Variants in CSNK2A2IP observed in about 807,000 individuals in gnomAD.
CSNK2A2IP encodes casein kinase II subunit alpha'-interacting protein.
At chr3:88,351,626 T>G in the CSNK2A2IP span, among the ~76,000 whole-genome samples, 1 of 152,100 alleles carries the variant, frequency 6.6e-6, no homozygotes, top group East Asian at 1.9e-4. Context: ...AAAATTTCAC[T>G]TAACAATATG....
At chr3:88,385,510 CTT>C in the CSNK2A2IP span, among the ~76,000 whole-genome samples, 10 of 151,624 alleles carry the variant, frequency 6.6e-5, no homozygotes, top group South Asian at 2.1e-4. Context: ...TATGAAATAA[CTT>C]TTTTTTTGTT....
chr3:88,418,924 G>C, the CSNK2A2IP span, among the ~76,000 whole-genome samples: 1 of 152,280 alleles, frequency 6.6e-6, no homozygotes, highest in East Asian at 1.9e-4. Context: ...TACCACCTGA[G>C]CTCTGCCTGC....
chr3:88,380,157 G>A, the CSNK2A2IP span, among the ~76,000 whole-genome samples: 1 of 151,676 alleles, frequency 6.6e-6, no homozygotes, highest in African/African-American at 2.4e-5. Context: ...TTTTTATTGG[G>A]AAAAGAATTA....
the CSNK2A2IP span, among the ~76,000 whole-genome samples, chr3:88,344,977 G>A: frequency 5.6e-3 from 848 of 152,082 alleles, 1 homozygote; most frequent in Non-Finnish European, 9.3e-3. Flanking sequence ...TTTCAGCAGT[G>A]CTTAAGGATT....
chr3:88,365,216 C>A, the CSNK2A2IP span, among the ~76,000 whole-genome samples: 1 of 152,160 alleles, frequency 6.6e-6, no homozygotes, highest in Non-Finnish European at 1.5e-5. Flanking sequence ...CAGAACATTA[C>A]TGTTAACAAT....
At chr3:88,442,706 A>T in the CSNK2A2IP span, among the ~76,000 whole-genome samples, 1 of 152,056 alleles carries the variant, frequency 6.6e-6, no homozygotes, top group African/African-American at 2.4e-5. Context: ...TCCCAAGATC[A>T]TAGAGCTAGA....
At chr3:88,364,016 A>T in the CSNK2A2IP span, among the ~76,000 whole-genome samples, 1 of 150,884 alleles carries the variant, frequency 6.6e-6, no homozygotes, top group African/African-American at 2.4e-5. Context: ...TCTGTGCAAT[A>T]CTCTCTTCTT....
At chr3:88,388,019 T>C in the CSNK2A2IP span, among the ~76,000 whole-genome samples, 3 of 152,210 alleles carry the variant, frequency 2.0e-5, no homozygotes, top group African/African-American at 7.2e-5. Context: ...ATTATAATCC[T>C]CCTTTCCCAT....
At chr3:88,359,779 C>T in the CSNK2A2IP span, among the ~76,000 whole-genome samples, 1 of 151,854 alleles carries the variant, frequency 6.6e-6, no homozygotes, top group Admixed American at 6.6e-5. Context: ...TTTTTGTGGC[C>T]TATCTTAAGG....
At chr3:88,389,663 G>T in the CSNK2A2IP span, among the ~76,000 whole-genome samples, 1 of 152,174 alleles carries the variant, frequency 6.6e-6, no homozygotes, top group Non-Finnish European at 1.5e-5. Flanking sequence ...AATAATCCAG[G>T]TTGGAGCTTC....
chr3:88,415,563 G>A, the CSNK2A2IP span, among the ~76,000 whole-genome samples: 1 of 151,820 alleles, frequency 6.6e-6, no homozygotes, highest in Non-Finnish European at 1.5e-5. Flanking sequence ...ACCTAAATAA[G>A]GGTACTATGA....
chr3:88,402,107 TG>T, the CSNK2A2IP span, among the ~76,000 whole-genome samples: 1 of 151,750 alleles, frequency 6.6e-6, no homozygotes, highest in Non-Finnish European at 1.5e-5. Context: ...ATGGGTTAAA[TG>T]GAAATTTGGC....
chr3:88,374,435 A>AT, the CSNK2A2IP span, among the ~76,000 whole-genome samples: 16 of 151,800 alleles, frequency 1.1e-4, no homozygotes, highest in Admixed American at 2.6e-4. Flanking sequence ...ATACAAACAA[A>AT]TTTTACCAAG....
At chr3:88,389,812 C>A in the CSNK2A2IP span, among the ~76,000 whole-genome samples, 2 of 145,202 alleles carry the variant, frequency 1.4e-5, no homozygotes, top group Non-Finnish European at 3.0e-5. Flanking sequence ...AGTAAAGAGA[C>A]TAAAAACCCT....
At chr3:88,455,927 A>T in the CSNK2A2IP span, among the ~76,000 whole-genome samples, 1 of 151,154 alleles carries the variant, frequency 6.6e-6, no homozygotes, top group Non-Finnish European at 1.5e-5. Context: ...TTGAGTGTGG[A>T]TATCCAGTTT....
chr3:88,413,378 T>C, the CSNK2A2IP span, among the ~76,000 whole-genome samples: 3 of 148,532 alleles, frequency 2.0e-5, no homozygotes. Context: ...CTATACATAA[T>C]TGAATCTTGA....
the CSNK2A2IP span, among the ~76,000 whole-genome samples, chr3:88,358,874 C>T: frequency 6.6e-6 from 1 of 151,534 alleles, no homozygotes; most frequent in African/African-American, 2.4e-5. Context: ...TTTCCTCCTC[C>T]TGGATTTTTT....
chr3:88,446,038 C>A, the CSNK2A2IP span, among the ~76,000 whole-genome samples: 45 of 11,336 alleles, frequency 4.0e-3, 2 homozygotes, highest in Non-Finnish European at 7.3e-3. Context: ...TCTTTTCTTT[C>A]TTTCTTTCTT....
At chr3:88,455,904 A>C in the CSNK2A2IP span, among the ~76,000 whole-genome samples, 1 of 73,916 alleles carries the variant, frequency 1.4e-5, no homozygotes, top group African/African-American at 3.3e-5. Flanking sequence ...GGTCCTATTT[A>C]ATGATTTTTT....
Sources: allele counts gnomAD v4.1 joint callset (sites outside exome capture counted in the v4.1 genomes callset), GRCh38; gene constraint gnomAD v4.1.1; transcripts MANE v1.5; gene names NCBI Gene and HGNC (gene_info 2026-07-23, HGNC 2026-07-21).